The following HLF variants were observed in gnomAD, a reference collection of about 807,000 sequenced individuals.
The protein encoded by HLF is HLF transcription factor, PAR bZIP family member.
In HLF, 3 loss-of-function variants were observed where a neutral mutation model predicts 22.6. The observed-to-expected ratio is 0.13, with a 90% CI of 0.06 to 0.34. HLF has a LOEUF of 0.34. Among genes scored for constraint, HLF ranks in the 10% least tolerant of loss-of-function variants. The pLI is 1.00. For missense variants in HLF, 299 were observed against 389.2 expected, an observed-to-expected ratio of 0.77 and a Z score of 1.95; for synonymous variants, 151 against 151.8, an observed-to-expected ratio of 0.99 and a Z score of 0.04.
At chr17:55,308,486 G>A (rs879498584) in intron 2 of HLF, among the ~76,000 whole-genome samples, 5 of 152,108 alleles carry the variant, frequency 3.3e-5, no homozygotes, top group Admixed American at 6.5e-5. Context: ...GGTAGGTTAA[G>A]AAAAGAAGGG....
At chr17:55,270,641 A>G (rs961169192) in intron 2 of HLF, among the ~76,000 whole-genome samples, 13 of 149,052 alleles carry the variant, frequency 8.7e-5, no homozygotes, top group Non-Finnish European at 1.9e-4. Flanking sequence ...GGCACTGTTA[A>G]TGTTTTGGGT....
chr17:55,279,955 A>C (rs544991587), intron 2 of HLF, among the ~76,000 whole-genome samples: 18 of 152,280 alleles, frequency 1.2e-4, no homozygotes, highest in South Asian at 2.1e-4. Flanking sequence ...GCCAACCCGC[A>C]AAGGTGGTGG....
At chr17:55,278,109 A>C (rs564145110) in intron 2 of HLF, among the ~76,000 whole-genome samples, 20 of 152,328 alleles carry the variant, frequency 1.3e-4, no homozygotes, top group African/African-American at 4.8e-4. Context: ...TCTTTGGAAG[A>C]ATGCTTTGGA....
chr17:55,265,916 C>T (rs1289433014), intron 1 of HLF: 3 of 1,044,128 alleles, frequency 2.9e-6, no homozygotes, highest in Non-Finnish European at 2.3e-6. Flanking sequence ...ACGAGGCACA[C>T]CCGCACGCAG....
chr17:55,285,887 G>A (rs535062366), intron 2 of HLF, among the ~76,000 whole-genome samples: 25 of 152,270 alleles, frequency 1.6e-4, no homozygotes, highest in Middle Eastern at 3.4e-3. Context: ...TTACTTTTGC[G>A]CCTGTCTTCA....
chr17:55,299,193 C>G (rs1289763909), intron 2 of HLF, among the ~76,000 whole-genome samples: 1 of 152,218 alleles, frequency 6.6e-6, no homozygotes, highest in Non-Finnish European at 1.5e-5. Flanking sequence ...GTTTAGGTAC[C>G]AGATGACTCT....
intron 2 of HLF, among the ~76,000 whole-genome samples, chr17:55,311,378 C>A (rs888501791): frequency 2.6e-5 from 4 of 152,056 alleles, no homozygotes; most frequent in African/African-American, 9.7e-5. Context: ...GTGGCGGGCG[C>A]CTGTAGACCC....
At position 55,322,395 on chromosome 17, in the gene HLF, AGAG is replaced by A. The variant is rs1251692366; in HGVS notation, c.*1520_*1522del. 5.1e-6 allele frequency: 1 copy of A among 194,850 alleles called. No homozygotes were observed. Among genetic ancestry groups the A allele is most frequent in the East Asian group, 8.1e-5 (1 of 12,318 alleles). The allele number at this position is 194,850 out of a possible 1,614,324, so 12.1% of individuals were successfully genotyped here. ...GGAAGACATATATTATATATAGAAA[AGAG>A]GAGAGGAAAACTATTCCATGTTTTA... On this transcript the variant is annotated 3_prime_UTR_variant, in exon 4 of 4. Transcript: ENST00000226067.
At chr17:55,277,233 TTATGTGTATGTGTG>T (rs1322720244) in intron 2 of HLF, among the ~76,000 whole-genome samples, 62 of 139,038 alleles carry the variant, frequency 4.5e-4, no homozygotes, top group Non-Finnish European at 7.2e-4. Context: ...GAACCAGATG[TTATGTGTATGTGTG>T]TGTGTGTGTG....
chr17:55,318,661 C>G (rs1905157758), intron 3 of HLF, among the ~76,000 whole-genome samples: 1 of 152,110 alleles, frequency 6.6e-6, no homozygotes, highest in African/African-American at 2.4e-5. Context: ...GGCTCCTGTT[C>G]CCCCGTGTGC....
intron 1 of HLF, chr17:55,266,691 T>G: frequency 7.2e-6 from 2 of 279,624 alleles, no homozygotes; most frequent in Non-Finnish European, 1.1e-5. Flanking sequence ...GATTTTCAGA[T>G]GAGATGGTAG....
intron 2 of HLF, among the ~76,000 whole-genome samples, chr17:55,286,665 T>C (rs16955840): frequency 0.078 from 11,934 of 152,224 alleles, 759 homozygotes; most frequent in African/African-American, 0.17. Flanking sequence ...TAACAAACGG[T>C]TGAAAATAAA....
At chr17:55,300,779 G>A (rs1201977893) in intron 2 of HLF, among the ~76,000 whole-genome samples, 1 of 152,162 alleles carries the variant, frequency 6.6e-6, no homozygotes, top group African/African-American at 2.4e-5. Flanking sequence ...TGTAAGCCAA[G>A]CTCTGCCTGG....
rs1039457731 is a variant in HLF at position 55,265,308 on chromosome 17, T to C, written c.-177T>C. On this transcript the variant is annotated 5_prime_UTR_variant, in exon 1 of 4. Transcript: ENST00000226067. ...AACCCGAAAGTTTTTTTTTAATATA[T>C]ATTTTTATGCAGATGTATTTATAAA... 1 of 522,760 alleles carries C rather than the reference T, an allele frequency of 1.9e-6. No individual in the cohort carries two copies. The highest frequency in any genetic ancestry group is 2.0e-5 in the African/African-American group (1 of 49,832). 32.4% of individuals were successfully genotyped at this position (522,760 alleles called of 1,614,324 possible).
At chr17:55,290,818 G>A (rs2081055044) in intron 2 of HLF, among the ~76,000 whole-genome samples, 1 of 152,198 alleles carries the variant, frequency 6.6e-6, no homozygotes, top group Non-Finnish European at 1.5e-5. Context: ...ACAGTTAGCT[G>A]CATTGTGAAT....
At chr17:55,288,205 T>G (rs2081023464) in intron 2 of HLF, among the ~76,000 whole-genome samples, 1 of 152,140 alleles carries the variant, frequency 6.6e-6, no homozygotes, top group African/African-American at 2.4e-5. Context: ...TGGAGTGCAG[T>G]GGCGCAATCT....
intron 1 of HLF, chr17:55,265,921 A>G: frequency 9.9e-7 from 1 of 1,008,692 alleles, no homozygotes; most frequent in Non-Finnish European, 1.2e-6. Flanking sequence ...GCACACCCGC[A>G]CGCAGAGCGA....
intron 2 of HLF, among the ~76,000 whole-genome samples, chr17:55,275,521 G>C (rs1250356749): frequency 2.6e-5 from 4 of 152,226 alleles, no homozygotes; most frequent in Non-Finnish European, 5.9e-5. Flanking sequence ...AGTGACCTTG[G>C]GGGTAAGGAA....
rs1301295445 is a variant in HLF, at chr17:55,265,560, C to T, written c.76C>T (p.Leu26=). 3.1e-6 allele frequency: 5 copies of T among 1,607,882 alleles called. No homozygotes were observed. In the East Asian group the frequency reaches 6.8e-5, roughly 22 times the overall value. ...TCCCTACGGCGTGCTCAGGTCCCTG[C>T]TGGAGAACCCGCTGAAGCTCCCCCT... ...PPPYGVLRSL[L]ENPLKLPLHH... Residue 26 remains leucine, a synonymous_variant, in exon 1 of 4, where the codon CTG becomes TTG. Coordinates refer to ENST00000226067, the MANE Select transcript of HLF (RefSeq NM_002126.5).
Sources: allele counts gnomAD v4.1 joint callset (sites outside exome capture counted in the v4.1 genomes callset), GRCh38; gene constraint gnomAD v4.1.1; transcripts MANE v1.5; gene names NCBI Gene and HGNC (gene_info 2026-07-23, HGNC 2026-07-21).